Variants in FAM53B observed in about 807,000 individuals in gnomAD.
The protein encoded by FAM53B is protein FAM53B.
A neutral mutation model predicts 32.7 loss-of-function variants in FAM53B; 12 were observed. The ratio of observed to expected loss-of-function variants is 0.37; its 90% CI spans 0.24 to 0.59. The LOEUF is 0.59. Ranked by LOEUF, FAM53B falls within the 20% of genes least tolerant of loss-of-function variation. The pLI, the probability that FAM53B is intolerant of heterozygous loss-of-function variation, is 0.72. For synonymous variants in FAM53B, 234 were observed against 228.7 expected (o/e 1.02, Z -0.21); for missense variants, 477 against 577.7 (o/e 0.83, Z 1.79).
chr10:124,684,867 C>G (rs930249298), intron 3 of FAM53B, among the ~76,000 whole-genome samples: 1 of 152,120 alleles, frequency 6.6e-6, no homozygotes, highest in Non-Finnish European at 1.5e-5. Context: ...ACAGTCACAA[C>G]TATCCCAGTT....
intron 3 of FAM53B, among the ~76,000 whole-genome samples, chr10:124,695,161 C>T (rs746810995): frequency 6.6e-6 from 1 of 152,186 alleles, no homozygotes; most frequent in Non-Finnish European, 1.5e-5. Flanking sequence ...TGAGGTCTGA[C>T]CAAAGTAACC....
At chr10:124,656,823 G>GT (rs1267153555) in intron 4 of FAM53B, among the ~76,000 whole-genome samples, 10 of 150,606 alleles carry the variant, frequency 6.6e-5, no homozygotes, top group African/African-American at 2.2e-4. Flanking sequence ...CAAGCCAGGA[G>GT]TTTTTTTAAA....
chr10:124,625,739 CAGA>C (rs1347521857), intron 4 of FAM53B, among the ~76,000 whole-genome samples: 8 of 152,342 alleles, frequency 5.3e-5, no homozygotes, highest in Admixed American at 3.9e-4. Flanking sequence ...TGAGCCAGGA[CAGA>C]AGGAGAACTG....
chr10:124,643,516 C>A (rs1418725312), intron 4 of FAM53B, among the ~76,000 whole-genome samples: 1 of 152,258 alleles, frequency 6.6e-6, no homozygotes, highest in Non-Finnish European at 1.5e-5. Flanking sequence ...CGCCCGGGCC[C>A]GGCCGCCCAA....
At chr10:124,707,569 C>G (rs909280918) in intron 1 of FAM53B, among the ~76,000 whole-genome samples, 1 of 152,210 alleles carries the variant, frequency 6.6e-6, no homozygotes, top group Non-Finnish European at 1.5e-5. Flanking sequence ...GAAACCCCAT[C>G]TCTACTAAAA....
At chr10:124,653,042 G>A (rs1361425271) in intron 4 of FAM53B, among the ~76,000 whole-genome samples, 1 of 152,176 alleles carries the variant, frequency 6.6e-6, no homozygotes, top group Non-Finnish European at 1.5e-5. Flanking sequence ...ACGTGCCCTT[G>A]AGGCCAGGAC....
At chr10:124,626,952 G>GA (rs1262921724) in intron 4 of FAM53B, among the ~76,000 whole-genome samples, 1 of 152,232 alleles carries the variant, frequency 6.6e-6, no homozygotes, top group Non-Finnish European at 1.5e-5. Context: ...GAAGCAGGGG[G>GA]AGTCTACAAG....
intron 4 of FAM53B, among the ~76,000 whole-genome samples, chr10:124,631,643 C>T (rs1949391894): frequency 6.6e-6 from 1 of 152,220 alleles, no homozygotes; most frequent in Admixed American, 6.5e-5. Context: ...TGGCCTTTCC[C>T]AAGGCCCCTC....
chr10:124,714,438 C>A (rs1286961060), intron 1 of FAM53B, among the ~76,000 whole-genome samples: 2 of 152,092 alleles, frequency 1.3e-5, no homozygotes, highest in Non-Finnish European at 2.9e-5. Flanking sequence ...CTGCCAGCAC[C>A]ACCCTCAACA....
intron 1 of FAM53B, among the ~76,000 whole-genome samples, chr10:124,731,455 G>T (rs1950142185): frequency 6.6e-6 from 1 of 152,116 alleles, no homozygotes; most frequent in Non-Finnish European, 1.5e-5. Flanking sequence ...CTTCTCTCAG[G>T]CTTTTCTAAC....
chr10:124,687,890 A>AGC (rs1949812380), intron 3 of FAM53B, among the ~76,000 whole-genome samples: 1 of 152,218 alleles, frequency 6.6e-6, no homozygotes, highest in Admixed American at 6.5e-5. Context: ...CAGACCATCC[A>AGC]GCACCACTGC....
chr10:124,677,340 T>C (rs186965547), intron 4 of FAM53B, among the ~76,000 whole-genome samples: 15 of 152,332 alleles, frequency 9.8e-5, no homozygotes, highest in Admixed American at 9.1e-4. Flanking sequence ...GACATTGTCA[T>C]TGTGCAAAAG....
chr10:124,692,512 C>A (rs996059370), intron 3 of FAM53B, among the ~76,000 whole-genome samples: 1 of 151,716 alleles, frequency 6.6e-6, no homozygotes, highest in East Asian at 1.9e-4. Context: ...GTCAAGAGTT[C>A]GAGACCAGCC....
chr10:124,689,171 G>A (rs1206696772), intron 3 of FAM53B, among the ~76,000 whole-genome samples: 1 of 152,160 alleles, frequency 6.6e-6, no homozygotes, highest in African/African-American at 2.4e-5. Flanking sequence ...GCTTGGTTTG[G>A]GGAGAAGCTC....
intron 3 of FAM53B, among the ~76,000 whole-genome samples, chr10:124,687,286 C>T (rs1949808460): frequency 3.9e-5 from 6 of 152,064 alleles, no homozygotes; most frequent in Admixed American, 3.9e-4. Context: ...AGGGTGCCCC[C>T]GCCCCCTCCA....
intron 1 of FAM53B, among the ~76,000 whole-genome samples, chr10:124,741,626 G>C (rs1229239853): frequency 6.6e-6 from 1 of 152,226 alleles, no homozygotes; most frequent in African/African-American, 2.4e-5. Flanking sequence ...CTTCTGTAGA[G>C]AGGATGGAGA....
At chr10:124,699,769 A>G (rs1450498161) in intron 2 of FAM53B, among the ~76,000 whole-genome samples, 2 of 152,116 alleles carry the variant, frequency 1.3e-5, no homozygotes, top group Non-Finnish European at 2.9e-5. Context: ...CTGACCAGAC[A>G]CTGGTTCCAT....
At chr10:124,735,275 G>A (rs1290485027) in intron 1 of FAM53B, among the ~76,000 whole-genome samples, 7 of 152,110 alleles carry the variant, frequency 4.6e-5, no homozygotes, top group East Asian at 1.9e-4. Flanking sequence ...CAGAAGTGTC[G>A]GTGGCAGCAG....
intron 1 of FAM53B, among the ~76,000 whole-genome samples, chr10:124,716,919 C>T (rs1294126400): frequency 6.6e-6 from 1 of 152,144 alleles, no homozygotes; most frequent in Non-Finnish European, 1.5e-5. Flanking sequence ...CAAAGATAAT[C>T]TACTATCATG....
Sources: gnomAD v4.1 joint callset for allele counts (sites outside exome capture counted in the v4.1 genomes callset) on GRCh38, gnomAD v4.1.1 for gene constraint, MANE v1.5 for transcripts, NCBI Gene and HGNC (gene_info 2026-07-23, HGNC 2026-07-21) for gene names.